Variants in AQP8 observed in about 807,000 individuals in gnomAD.
The protein encoded by AQP8 is aquaporin-8.
Under a neutral mutation model 26.1 loss-of-function variants are expected in AQP8, and 14 were observed. The observed-to-expected ratio is 0.54, with a 90% CI of 0.35 to 0.84. The LOEUF (loss-of-function observed/expected upper bound fraction) is 0.84. Ranked by LOEUF, AQP8 falls within the 40% of genes least tolerant of loss-of-function variation. AQP8 has a pLI of 0.01. For missense variants in AQP8, 301 were observed against 340.5 expected (o/e 0.88, Z 0.91); for synonymous variants, 131 against 150.7 (o/e 0.87, Z 0.96).
chr16:25,225,555 C>T (rs1205002251), intron 4 of AQP8, among the ~76,000 whole-genome samples: 2 of 151,860 alleles, frequency 1.3e-5, no homozygotes, highest in African/African-American at 2.4e-5. Context: ...TACAGGCGTC[C>T]GCCACCACGC....
At chr16:25,221,356 T>C in intron 2 of AQP8, 101 bp from the exon 3 acceptor site, 2 of 1,483,400 alleles carry the variant, frequency 1.3e-6, no homozygotes, top group African/African-American at 1.4e-5. Context: ...ACTCTTGCCC[T>C]GAGAGGCCAG....
At position 25,224,488 on chromosome 16, in the gene AQP8, G is replaced by A. The variant is rs1379917083; in HGVS notation, c.514G>A (p.Val172Ile). The A allele has an allele frequency of 2.5e-6, 4 of 1,614,054 alleles. No individual in the cohort carries two copies. The highest frequency in any genetic ancestry group is 1.1e-5 in the South Asian group (1 of 91,090). Residue 172 changes from valine to isoleucine, a missense_variant, in exon 4 of 6, where the codon GTA becomes ATA. Val to Ile is a conservative substitution (Grantham distance 29, BLOSUM62 3). Coordinates refer to ENST00000219660, the MANE Select transcript of AQP8 (RefSeq NM_001169.3). Reference sequence around the variant, plus strand: ...CCTGACGACGCTGCTGGCCCTGGCTGTATGCATGGGTGCCATCAATGAGAA... The same window carrying A: ...CCTGACGACGCTGCTGGCCCTGGCTATATGCATGGGTGCCATCAATGAGAA... ...IILTTLLALAVCMGAINEKTK... is the reference protein window; with the variant it reads ...IILTTLLALAICMGAINEKTK...
chr16:25,226,424 A>G (rs1328935486), intron 4 of AQP8, among the ~76,000 whole-genome samples: 2 of 152,086 alleles, frequency 1.3e-5, no homozygotes, highest in Non-Finnish European at 2.9e-5. Flanking sequence ...TTCCCAGCTA[A>G]CTTTGTATTT....
At chr16:25,218,086 C>T (rs570456372) in intron 2 of AQP8, among the ~76,000 whole-genome samples, 2 of 152,266 alleles carry the variant, frequency 1.3e-5, no homozygotes, top group Non-Finnish European at 2.9e-5. Context: ...GTGGCAGAGG[C>T]GGGAGTCAAG....
At chr16:25,223,049 C>G (rs1962584538) in intron 3 of AQP8, among the ~76,000 whole-genome samples, 1 of 152,252 alleles carries the variant, frequency 6.6e-6, no homozygotes, top group South Asian at 2.1e-4. Flanking sequence ...AAACCATAGT[C>G]AGTTCATAGA....
chr16:25,223,405 G>A (rs530534415), intron 3 of AQP8, among the ~76,000 whole-genome samples: 2 of 152,348 alleles, frequency 1.3e-5, no homozygotes, highest in South Asian at 4.1e-4. Context: ...GTTTCTAAGA[G>A]TAAGGTATTT....
At chr16:25,222,354 T>TA (rs1422206863) in intron 3 of AQP8, among the ~76,000 whole-genome samples, 2 of 152,064 alleles carry the variant, frequency 1.3e-5, no homozygotes, top group Non-Finnish European at 2.9e-5. Flanking sequence ...GAATTATCAA[T>TA]AAAAAATAAA....
intron 5 of AQP8, among the ~76,000 whole-genome samples, chr16:25,227,496 CT>C (rs1962651525): frequency 6.6e-6 from 1 of 152,004 alleles, no homozygotes; most frequent in Non-Finnish European, 1.5e-5. Flanking sequence ...CTTGGTCTTT[CT>C]CCTTTTCTTT....
In AQP8 at chr16:25,228,596, A is replaced by G; in HGVS notation, c.*104A>G. 2.4e-6 allele frequency: 3 copies of G among 1,257,046 alleles called. No individual in the cohort carries two copies. The highest frequency in any genetic ancestry group is 2.3e-6 in the Non-Finnish European group (2 of 869,764). 77.9% of individuals were successfully genotyped at this position (1,257,046 alleles called of 1,614,324 possible). ...ATTTCCTGCCAGGGCAGAGGCCCAG[A>G]GGAGCGACCCCCTGCTTCCACTGCT... is the stretch of plus-strand genomic sequence containing the variant. On this transcript the variant is annotated 3_prime_UTR_variant, in exon 6 of 6. Coordinates refer to ENST00000219660, the MANE Select transcript of AQP8 (RefSeq NM_001169.3).
chr16:25,222,786 C>A (rs562097305), intron 3 of AQP8, among the ~76,000 whole-genome samples: 1 of 152,224 alleles, frequency 6.6e-6, no homozygotes, highest in East Asian at 1.9e-4. Context: ...TTACTGTCAT[C>A]CCCTGCTGTG....
chr16:25,220,188 C>T (rs900023866), intron 2 of AQP8, among the ~76,000 whole-genome samples: 1 of 152,110 alleles, frequency 6.6e-6, no homozygotes, highest in Non-Finnish European at 1.5e-5. Context: ...GAGCTGAGGT[C>T]CTCTGCCCAG....
intron 3 of AQP8, among the ~76,000 whole-genome samples, chr16:25,222,696 G>A (rs763359143): frequency 5.3e-4 from 80 of 151,684 alleles, no homozygotes; most frequent in Non-Finnish European, 7.2e-4. Context: ...GGTGGATGGG[G>A]GAGCTCTGTC....
Position 25,224,445 on chromosome 16 carries a change from G to A in AQP8, c.471G>A (p.Ala157=), listed in dbSNP as rs139926401. Residue 157 remains alanine (A), a synonymous_variant, in exon 4 of 6, where the codon GCG becomes GCA. Coordinates refer to ENST00000219660, the MANE Select transcript of AQP8 (RefSeq NM_001169.3). The stretch of plus-strand genomic sequence containing the variant: ...AGGAGCAGGGGCAGGTGGCAGGGGC[G>A]TTGGTGGCAGAGATCATCCTGACGA... ...TVQEQGQVAG[A]LVAEIILTTL... is the part of the protein sequence containing the mutation. The A allele has an allele frequency of 2.8e-4, 454 of 1,614,196 alleles. 1 individual carries two copies. In the African/African-American group the frequency reaches 5.3e-3, roughly 19 times the overall value.
intron 3 of AQP8, 112 bp downstream of exon 3, chr16:25,221,695 G>T: frequency 7.6e-7 from 1 of 1,321,052 alleles, no homozygotes; most frequent in South Asian, 1.4e-5. Context: ...CCAATCTTTT[G>T]CTTGTTTCTG....
intron 2 of AQP8, among the ~76,000 whole-genome samples, chr16:25,218,568 A>C (rs541637659): frequency 2.0e-5 from 3 of 152,366 alleles, no homozygotes; most frequent in African/African-American, 7.2e-5. Flanking sequence ...TGAGAAAACC[A>C]GAATGGAAAA....
chr16:25,228,615 C>A lies in AQP8; in HGVS notation c.*123C>A. The A allele has an allele frequency of 1.0e-6, 1 of 1,000,380 alleles. No homozygotes were observed. The highest frequency in any genetic ancestry group is 1.5e-6 in the Non-Finnish European group (1 of 652,306). 62.0% of individuals were successfully genotyped at this position (1,000,380 alleles called of 1,614,324 possible). A position where few individuals can be genotyped will look rare whatever the true frequency, so the allele number is the denominator to read the frequency against. ...GCCCAGAGGAGCGACCCCCTGCTTC[C>A]ACTGCTTGGGCCTGCTTTCTCAGAT... On this transcript the variant is annotated 3_prime_UTR_variant, in exon 6 of 6. Transcript: ENST00000219660.
intron 4 of AQP8, among the ~76,000 whole-genome samples, chr16:25,225,731 A>C (rs1962623730): frequency 6.6e-6 from 1 of 151,962 alleles, no homozygotes; most frequent in South Asian, 2.1e-4. Context: ...TTTGACTTCG[A>C]AGCTGGACAC....
intron 2 of AQP8, 44 bp downstream of exon 2, chr16:25,217,489 A>G (rs1962504315): frequency 6.2e-7 from 1 of 1,601,174 alleles, no homozygotes; most frequent in Non-Finnish European, 8.5e-7. Flanking sequence ...GACTTGGGGC[A>G]CTGGGTGTGG....
intron 5 of AQP8, among the ~76,000 whole-genome samples, chr16:25,227,939 T>A (rs1458111179): frequency 6.6e-6 from 1 of 151,098 alleles, no homozygotes. Context: ...GCTTTCAGAG[T>A]GGCAGCAATG....
Sources: gnomAD v4.1 joint callset for allele counts (sites outside exome capture counted in the v4.1 genomes callset) on GRCh38, gnomAD v4.1.1 for gene constraint, MANE v1.5 for transcripts, NCBI Gene and HGNC (gene_info 2026-07-23, HGNC 2026-07-21) for gene names.